Variants in CPNE8 observed in about 807,000 individuals in gnomAD.
The protein encoded by CPNE8 is copine 8.
A neutral mutation model predicts 81.5 loss-of-function variants in CPNE8; 45 were observed. The observed-to-expected ratio is 0.55, with a 90% confidence interval of 0.44 to 0.71. The LOEUF (loss-of-function observed/expected upper bound fraction) is 0.71. Among genes scored for constraint, CPNE8 ranks in the 30% least tolerant of loss-of-function variants. The probability of loss-of-function intolerance (pLI) is 0.00; values close to 1 mark genes in which losing one functional copy is unlikely to be tolerated. For synonymous variants in CPNE8, 252 were observed against 226.3 expected (o/e 1.11, Z -1.02); for missense variants, 594 against 672.1 (o/e 0.88, Z 1.28).
intron 6 of CPNE8, among the ~76,000 whole-genome samples, chr12:38,809,294 C>T (rs1002955580): frequency 6.6e-6 from 1 of 152,122 alleles, no homozygotes; most frequent in African/African-American, 2.4e-5. Flanking sequence ...AATTTAATTC[C>T]TTCTCACGGT....
At chr12:38,869,407 T>A (rs61937839) in intron 3 of CPNE8, among the ~76,000 whole-genome samples, 8,058 of 152,290 alleles carry the variant, frequency 0.053, 286 homozygotes, top group Non-Finnish European at 0.079. Context: ...TTAGCTAGAA[T>A]CATTATCATT....
intron 1 of CPNE8, among the ~76,000 whole-genome samples, chr12:38,899,428 G>A (rs979111895): frequency 1.2e-4 from 19 of 152,120 alleles, no homozygotes; most frequent in African/African-American, 3.6e-4. Context: ...CACCCTGATC[G>A]CAGACATCCA....
chr12:38,900,439 A>T (rs1331143229), intron 1 of CPNE8, among the ~76,000 whole-genome samples: 1 of 152,186 alleles, frequency 6.6e-6, no homozygotes, highest in Admixed American at 6.5e-5. Flanking sequence ...CTAACTACAT[A>T]TTCTGTGCCA....
At chr12:38,848,279 C>T (rs1405732558) in intron 4 of CPNE8, among the ~76,000 whole-genome samples, 1 of 152,106 alleles carries the variant, frequency 6.6e-6, no homozygotes, top group East Asian at 1.9e-4. Context: ...TTGGAGTATA[C>T]ATAGAACTTG....
intron 1 of CPNE8, among the ~76,000 whole-genome samples, chr12:38,883,550 T>C (rs1270145915): frequency 1.3e-5 from 2 of 152,170 alleles, no homozygotes; most frequent in African/African-American, 4.8e-5. Context: ...TACATAATAG[T>C]CAATAATTCT....
intron 3 of CPNE8, among the ~76,000 whole-genome samples, chr12:38,853,028 C>T (rs1486145324): frequency 6.6e-6 from 1 of 152,062 alleles, no homozygotes; most frequent in African/African-American, 2.4e-5. Flanking sequence ...TTTTAGTTCA[C>T]TCTATTATAA....
chr12:38,771,478 A>T (rs149005249), intron 7 of CPNE8, among the ~76,000 whole-genome samples: 2 of 152,014 alleles, frequency 1.3e-5, no homozygotes, highest in African/African-American at 4.8e-5. Flanking sequence ...AAAAAAAAAT[A>T]CTGATTGAAG....
chr12:38,662,987 C>A (rs528795953), intron 19 of CPNE8, among the ~76,000 whole-genome samples: 9 of 152,028 alleles, frequency 5.9e-5, no homozygotes, highest in Admixed American at 6.6e-5. Context: ...AAAAAATCAA[C>A]TCAAGATGGG....
chr12:38,672,124 A>G (rs1203996483), intron 18 of CPNE8, among the ~76,000 whole-genome samples: 1 of 152,168 alleles, frequency 6.6e-6, no homozygotes, highest in Non-Finnish European at 1.5e-5. Context: ...GGTCACAAAC[A>G]CTTCTCCATT....
chr12:38,886,564 C>T (rs1944239843), intron 1 of CPNE8, among the ~76,000 whole-genome samples: 1 of 152,046 alleles, frequency 6.6e-6, no homozygotes, highest in Admixed American at 6.6e-5. Context: ...TATTATGTGC[C>T]AGGCACTACT....
Position 38,684,421 on chromosome 12 carries a change from T to C in CPNE8, c.1271+1069A>G, listed in dbSNP as rs190921552. On this transcript the variant is annotated intron_variant, in intron 16 of 19. Coordinates refer to ENST00000331366, the MANE Select transcript of CPNE8 (RefSeq NM_153634.3). Reference sequence around the variant, plus strand: ...GGGTTGTGTATGTACAGGGTTAATATATATTAATAAAATTCATATTTTAGT... The same window carrying C: ...GGGTTGTGTATGTACAGGGTTAATACATATTAATAAAATTCATATTTTAGT... 4.7e-3 allele frequency among the ~76,000 whole-genome samples: 712 copies of C among 152,230 alleles called. 18 individuals are homozygous for C. The highest frequency in any genetic ancestry group is 1.1e-3 in the Non-Finnish European group (78 of 68,026).
intron 18 of CPNE8, among the ~76,000 whole-genome samples, 199 bp downstream of exon 18, chr12:38,675,518 T>C (rs1939268107): frequency 6.6e-6 from 1 of 152,158 alleles, no homozygotes; most frequent in African/African-American, 2.4e-5. Flanking sequence ...AAAGACAGGA[T>C]CTTTTAATTG....
At chr12:38,833,768 G>C (rs1348622298) in intron 5 of CPNE8, among the ~76,000 whole-genome samples, 1 of 152,090 alleles carries the variant, frequency 6.6e-6, no homozygotes, top group Admixed American at 6.6e-5. Flanking sequence ...ATGAGCCACC[G>C]CACCCGGCCA....
chr12:38,798,953 G>T (rs1438865974), intron 6 of CPNE8, among the ~76,000 whole-genome samples: 1 of 152,124 alleles, frequency 6.6e-6, no homozygotes, highest in East Asian at 1.9e-4. Context: ...AGACAAAGAA[G>T]GCCATTACAT....
In CPNE8 at chr12:38,884,596, A is replaced by T. The variant is rs1254085485; in HGVS notation, c.99-10085T>A. 2.0e-5 allele frequency among the ~76,000 whole-genome samples: 3 copies of T among 152,300 alleles called. No homozygotes were observed. The East Asian group carries it at 5.8e-4, about 29-fold the overall frequency. ...ATGGTAACACTATTTTTAAAATCTGAAAAAACTGCCAAACTATTTTCCAAA... is the reference window on the plus strand; with the variant it reads ...ATGGTAACACTATTTTTAAAATCTGTAAAAACTGCCAAACTATTTTCCAAA... On this transcript the variant is annotated intron_variant, in intron 1 of 19. Coordinates refer to ENST00000331366, the MANE Select transcript of CPNE8 (RefSeq NM_153634.3).
chr12:38,807,939 A>G (rs10783403), intron 6 of CPNE8, among the ~76,000 whole-genome samples: 121,946 of 151,012 alleles, frequency 0.81, 51,469 homozygotes, highest in Non-Finnish European at 0.92. Context: ...AAAAGTGGGC[A>G]AAGGATATGA....
At chr12:38,876,564 C>A (rs1592150589) in intron 1 of CPNE8, among the ~76,000 whole-genome samples, 1 of 152,076 alleles carries the variant, frequency 6.6e-6, no homozygotes, top group Non-Finnish European at 1.5e-5. Context: ...TTTCACTCAG[C>A]CATTGTGATC....
chr12:38,807,219 A>G (rs1942830005), intron 6 of CPNE8, among the ~76,000 whole-genome samples: 1 of 149,630 alleles, frequency 6.7e-6, no homozygotes, highest in Admixed American at 6.7e-5. Flanking sequence ...TCAAGCTACC[A>G]ATGACTTTCT....
chr12:38,776,948 A>T (rs1941950693), intron 6 of CPNE8, among the ~76,000 whole-genome samples: 1 of 151,992 alleles, frequency 6.6e-6, no homozygotes, highest in Non-Finnish European at 1.5e-5. Flanking sequence ...GATAGTAAAC[A>T]TCAAATATGT....
Sources: gnomAD v4.1 joint callset for allele counts (sites outside exome capture counted in the v4.1 genomes callset) on GRCh38, gnomAD v4.1.1 for gene constraint, MANE v1.5 for transcripts, NCBI Gene and HGNC (gene_info 2026-07-23, HGNC 2026-07-21) for gene names.